CD34: variants seen among roughly 807,000 people sequenced by gnomAD.
The protein encoded by CD34 is hematopoietic progenitor cell antigen CD34.
A neutral mutation model predicts 40.1 loss-of-function variants in CD34; 34 were observed. That is an observed-to-expected ratio of 0.85 (90% confidence interval 0.65 to 1.13). CD34 has a LOEUF of 1.13. CD34 is among the 50% of genes most tolerant of loss of function. The pLI, the probability that CD34 is intolerant of heterozygous loss-of-function variation, is 0.00. For missense variants in CD34, 426 were observed against 466.9 expected (o/e 0.91, Z 0.81); for synonymous variants, 209 against 190.0 (o/e 1.10, Z -0.82).
In CD34 at chr1:207,881,176, C is replaced by T. The variant is rs373667647; in HGVS notation, c.*6562G>A. 17 of 152,206 alleles carry T rather than the reference C, an allele frequency of 1.1e-4. No homozygotes were observed. Among genetic ancestry groups the T allele is most frequent in the Admixed American group, 3.3e-4 (5 of 15,284 alleles). The allele number at this position is 152,206 out of a possible 1,614,324, so 9.4% of individuals were successfully genotyped here. ...ATATCTAGAGCCGCGGTTCTCAAAG[C>T]ATGATCCAAGGTCCTCTGGGGGTTC... On this transcript the variant is annotated 3_prime_UTR_variant, in exon 8 of 8. Coordinates refer to ENST00000310833, the MANE Select transcript of CD34 (RefSeq NM_001025109.2).
intron 2 of CD34, 69 bp from the exon 3 acceptor site, chr1:207,899,295 G>T (rs1261568999): frequency 5.8e-5 from 88 of 1,523,024 alleles, no homozygotes; most frequent in Non-Finnish European, 7.9e-5. Context: ...CTCAGGTCAT[G>T]ATATGGGCAT....
At chr1:207,907,652 A>G (rs1452270307) in intron 1 of CD34, among the ~76,000 whole-genome samples, 1 of 152,252 alleles carries the variant, frequency 6.6e-6, no homozygotes, top group Non-Finnish European at 1.5e-5. Flanking sequence ...CCAAGAGCAC[A>G]GGTACTAAGA....
At position 207,904,253 on chromosome 1, in the gene CD34, T is replaced by C. The variant is rs563326417; in HGVS notation, c.80-4250A>G. Among the ~76,000 whole-genome samples, 9 of 152,342 alleles carry C rather than the reference T, an allele frequency of 5.9e-5. No homozygotes were observed. In the East Asian group the frequency reaches 1.7e-3, roughly 29 times the overall value. ...ATCTCCTAGCCTGCCAGTCTTATTT[T>C]GCCCATGCTTTCATATTCTAGCACC... On this transcript the variant is annotated intron_variant, in intron 1 of 7. Coordinates refer to ENST00000310833, the MANE Select transcript of CD34 (RefSeq NM_001025109.2).
intron 4 of CD34, chr1:207,890,230 G>T: frequency 1.0e-6 from 1 of 997,022 alleles, no homozygotes; most frequent in Middle Eastern, 5.1e-4. Flanking sequence ...TTTTCTTCAG[G>T]TTGCTGACTG....
chr1:207,904,567 C>T (rs1184298204), intron 1 of CD34, among the ~76,000 whole-genome samples: 1 of 152,160 alleles, frequency 6.6e-6, no homozygotes, highest in African/African-American at 2.4e-5. Flanking sequence ...TATGTCTTAG[C>T]TGTTTTGAGG....
At chr1:207,890,138 A>T in intron 4 of CD34, 1 of 1,065,428 alleles carries the variant, frequency 9.4e-7, no homozygotes, top group Non-Finnish European at 1.1e-6. Flanking sequence ...CATTGCTCAA[A>T]CTGAAATGGC....
At chr1:207,907,174 C>A (rs1662399781) in intron 1 of CD34, among the ~76,000 whole-genome samples, 4 of 152,148 alleles carry the variant, frequency 2.6e-5, no homozygotes, top group Non-Finnish European at 5.9e-5. Context: ...CAGGGCAGCC[C>A]AGGGGAGACA....
intron 4 of CD34, among the ~76,000 whole-genome samples, chr1:207,893,822 T>C (rs1662084290): frequency 6.6e-6 from 1 of 152,130 alleles, no homozygotes; most frequent in Admixed American, 6.5e-5. Context: ...TGAAAGAGGC[T>C]CAACATCACT....
At chr1:207,910,894 A>G in intron 1 of CD34, 108 bp downstream of exon 1, 1 of 1,137,280 alleles carries the variant, frequency 8.8e-7, no homozygotes, top group South Asian at 1.4e-5. Flanking sequence ...TGGGTTGGGC[A>G]GGGGTCCCTT....
intron 4 of CD34, among the ~76,000 whole-genome samples, chr1:207,891,893 G>T (rs1662045359): frequency 6.6e-6 from 1 of 152,010 alleles, no homozygotes; most frequent in Non-Finnish European, 1.5e-5. Context: ...ACATACTAAG[G>T]AGCGTGAGGA....
chr1:207,894,483 T>C (rs1269220345), intron 4 of CD34, among the ~76,000 whole-genome samples: 1 of 152,248 alleles, frequency 6.6e-6, no homozygotes, highest in African/African-American at 2.4e-5. Flanking sequence ...AATGTGAACG[T>C]ACTTACTACT....
At chr1:207,906,265 C>T (rs1662379159) in intron 1 of CD34, among the ~76,000 whole-genome samples, 1 of 152,026 alleles carries the variant, frequency 6.6e-6, no homozygotes, top group African/African-American at 2.4e-5. Flanking sequence ...CACTGCAATC[C>T]AAGGAAAAAG....
At chr1:207,890,222 T>C (rs891488080) in intron 4 of CD34, 9 of 999,176 alleles carry the variant, frequency 9.0e-6, no homozygotes, top group Non-Finnish European at 8.3e-6. Flanking sequence ...TCATAGATTT[T>C]TCTTCAGGTT....
chr1:207,890,522 G>A (rs1662010627), intron 4 of CD34: 1 of 152,390 alleles, frequency 6.6e-6, no homozygotes, highest in African/African-American at 2.4e-5. Context: ...TTGCGGGCAG[G>A]GCCGCTGCTT....
Position 207,887,868 on chromosome 1 carries a change from G to C in CD34, c.1028C>G (p.Pro343Arg). Residue 343 changes from proline to arginine, a missense_variant, in exon 8 of 8, where the codon CCT (proline) becomes CGT (arginine). By Grantham distance (103) the Pro-to-Arg change is moderately radical. Transcript: ENST00000310833. Reference sequence around the variant, plus strand: ...TCCCTGAGCCTCAGGGGAGGTCCCAGGTCCTGAGCTATAGCCCTGGCCTCC... The same window carrying C: ...TCCCTGAGCCTCAGGGGAGGTCCCACGTCCTGAGCTATAGCCCTGGCCTCC... ...NGGGQGYSSG[P>R]GTSPEAQGKA... is the part of the protein sequence containing the mutation. 1 of 1,614,162 alleles carries C rather than the reference G, an allele frequency of 6.2e-7. No homozygotes were observed. The highest frequency in any genetic ancestry group is 8.5e-7 in the Non-Finnish European group (1 of 1,180,016).
intron 4 of CD34, among the ~76,000 whole-genome samples, chr1:207,891,791 T>A (rs1398259173): frequency 6.6e-6 from 1 of 150,630 alleles, no homozygotes; most frequent in Non-Finnish European, 1.5e-5. Context: ...ACTAATTTTG[T>A]AGATGAAGAA....
At chr1:207,888,916 CTG>C (rs1661969264) in intron 6 of CD34, 70 bp from the exon 7 acceptor site, 2 of 1,434,662 alleles carry the variant, frequency 1.4e-6, no homozygotes, top group African/African-American at 1.4e-5. Flanking sequence ...CTCCAGCCCT[CTG>C]TGTGTGACTC....
chr1:207,888,015 GGGTGGGAGAAGGGGGAGGGGGA>G, intron 7 of CD34, 92 bp from the exon 8 acceptor site: 1 of 1,555,944 alleles, frequency 6.4e-7, no homozygotes, highest in Non-Finnish European at 8.7e-7. Context: ...GTGGGGGCAG[GGGTGGGAGAAGGGGGAGGGGGA>G]GGTGGGAGGA....
chr1:207,887,824 C>T lies in CD34; in HGVS notation c.1072G>A (p.Gly358Arg). 1 of 1,614,228 alleles carries T rather than the reference C, an allele frequency of 6.2e-7. No individual in the cohort carries two copies. Among genetic ancestry groups the T allele is most frequent in the Non-Finnish European group, 8.5e-7 (1 of 1,180,040 alleles). ...TGGCCGGTCCCGTTTTCCTGAGCCC[C>T]TCGGTTCACACTGGCCTTTCCCTGA... is the stretch of plus-strand genomic sequence containing the variant. ...EAQGKASVNR[G>R]AQENGTGQAT... The change falls in exon 8 of 8, where the codon GGG becomes AGG. Residue 358 changes from glycine (G) to arginine (R), a missense_variant. Gly to Arg is a moderately radical substitution (Grantham distance 125). Transcript: ENST00000310833.
Sources: gnomAD v4.1 joint callset for allele counts (sites outside exome capture counted in the v4.1 genomes callset) on GRCh38, gnomAD v4.1.1 for gene constraint, MANE v1.5 for transcripts, NCBI Gene and HGNC (gene_info 2026-07-23, HGNC 2026-07-21) for gene names.